Variants in A2ML1 observed in about 807,000 individuals in gnomAD.
The protein encoded by A2ML1 is alpha-2-macroglobulin-like protein 1.
A2ML1 carries 161 observed loss-of-function variants against 181.9 expected under a neutral mutation model. The observed-to-expected ratio is 0.89, with a 90% CI of 0.78 to 1.01. A2ML1 has a LOEUF of 1.01. Among genes scored for constraint, A2ML1 ranks in the 50% least tolerant of loss-of-function variants. The pLI is 0.00. For synonymous variants in A2ML1, 663 were observed against 666.8 expected (o/e 0.99, Z 0.09); for missense variants, 1,670 against 1,768.1 (o/e 0.94, Z 1.00).
chr12:8,833,705 G>A (rs1943189098), intron 4 of A2ML1, among the ~76,000 whole-genome samples: 1 of 152,092 alleles, frequency 6.6e-6, no homozygotes, highest in Non-Finnish European at 1.5e-5. Flanking sequence ...CTAAAGAAGT[G>A]TTTGTTTGTT....
chr12:8,832,040 G>A (rs879933656), intron 4 of A2ML1, among the ~76,000 whole-genome samples: 15 of 152,134 alleles, frequency 9.9e-5, no homozygotes, highest in African/African-American at 1.4e-4. Flanking sequence ...GTGAGCCACC[G>A]CGCCTGGCCA....
intron 13 of A2ML1, 108 bp from the exon 14 acceptor site, chr12:8,845,969 T>C (rs2136835890): frequency 1.6e-6 from 2 of 1,240,318 alleles, no homozygotes; most frequent in African/African-American, 1.5e-5. Context: ...GAGAAGTAAC[T>C]TGCACCATGG....
At chr12:8,835,079 A>G (rs1453711854) in intron 5 of A2ML1, 15 of 287,872 alleles carry the variant, frequency 5.2e-5, no homozygotes, top group Non-Finnish European at 6.5e-5. Flanking sequence ...AAGGCTCTAG[A>G]AGGTGATTTC....
chr12:8,822,676 A>C lies in A2ML1; in HGVS notation c.25A>C (p.Met9Leu), dbSNP rs1362077350. ...GATGTGGGCTCAGCTCCTTCTAGGA[A>C]TGTTGGCCCTATCACCAGCCATTGC... is the stretch of plus-strand genomic sequence containing the variant. MWAQLLLG[M>L]LALSPAIAEE... Residue 9 changes from methionine (M) to leucine (L), a missense_variant, in exon 1 of 36, where the codon ATG becomes CTG. By Grantham distance (15) the Met-to-Leu change is conservative. Transcript: ENST00000299698. 1 of 1,614,168 alleles carries C rather than the reference A, an allele frequency of 6.2e-7. No homozygotes were observed. Among genetic ancestry groups the C allele is most frequent in the Non-Finnish European group, 8.5e-7 (1 of 1,179,984 alleles).
chr12:8,840,196 C>T (rs1206759363), intron 10 of A2ML1, among the ~76,000 whole-genome samples: 2 of 151,852 alleles, frequency 1.3e-5, no homozygotes, highest in African/African-American at 4.8e-5. Context: ...CTTGTCTCTG[C>T]TAAAAATACA....
chr12:8,875,113 G>A, intron 35 of A2ML1, 101 bp downstream of exon 35: 1 of 1,318,092 alleles, frequency 7.6e-7, no homozygotes, highest in Non-Finnish European at 1.1e-6. Context: ...TTGAGATAGA[G>A]TCTCGCGGTG....
chr12:8,831,469 C>T (rs750170140), intron 4 of A2ML1, among the ~76,000 whole-genome samples: 8 of 152,150 alleles, frequency 5.3e-5, no homozygotes, highest in Non-Finnish European at 8.8e-5. Flanking sequence ...TCCTTCCTCC[C>T]CACTCTATTT....
At chr12:8,847,987 GAA>G (rs11312111) in intron 15 of A2ML1, among the ~76,000 whole-genome samples, 158 of 125,672 alleles carry the variant, frequency 1.3e-3, no homozygotes, top group East Asian at 3.5e-3. Context: ...TAAAAATCCA[GAA>G]AAAAAAAAAA....
chr12:8,845,559 A>G, intron 13 of A2ML1, 57 bp downstream of exon 13: 1 of 1,598,600 alleles, frequency 6.3e-7, no homozygotes, highest in Middle Eastern at 1.7e-4. Flanking sequence ...TCCAGAAAAC[A>G]ATTCTTGGCC....
At chr12:8,844,195 C>CA (rs946013240) in intron 12 of A2ML1, among the ~76,000 whole-genome samples, 38 of 148,982 alleles carry the variant, frequency 2.6e-4, no homozygotes, top group African/African-American at 9.4e-4. Flanking sequence ...CCAAAAAAAA[C>CA]AAAAACAAAA....
chr12:8,862,352 G>A (rs1006564910), intron 28 of A2ML1, among the ~76,000 whole-genome samples: 3 of 151,888 alleles, frequency 2.0e-5, no homozygotes, highest in Non-Finnish European at 4.4e-5. Context: ...ACAGGTGCCC[G>A]CCACCACACT....
intron 10 of A2ML1, 133 bp downstream of exon 10, chr12:8,839,355 G>T (rs1943391506): frequency 3.5e-6 from 2 of 569,830 alleles, no homozygotes; most frequent in Admixed American, 3.2e-5. Flanking sequence ...TTAATCTTTA[G>T]AATAATGCAA....
chr12:8,860,449 G>A (rs751205860), intron 26 of A2ML1, among the ~76,000 whole-genome samples: 1 of 152,180 alleles, frequency 6.6e-6, no homozygotes. Context: ...TGGGAAAGGC[G>A]ATAAGCAGGG....
chr12:8,854,237 A>G lies in A2ML1; in HGVS notation c.2700A>G (p.Pro900=), dbSNP rs1483724769. ...QKGRSDTLIK[P]VLVKPEGVLV... ...GCCGAAGTGACACGCTCATCAAGCC[A>G]GTTCTCGTCAAAGTGAGTTTTCTTC... The change falls in exon 21 of 36, where the codon CCA becomes CCG. Residue 900 remains proline (P), a synonymous_variant. Coordinates refer to ENST00000299698, the MANE Select transcript of A2ML1 (RefSeq NM_144670.6). The G allele has an allele frequency of 1.3e-6, 2 of 1,599,832 alleles. No homozygotes were observed. The highest frequency in any genetic ancestry group is 2.7e-5 in the African/African-American group (2 of 74,408).
chr12:8,842,279 G>A (rs527991501), intron 11 of A2ML1, among the ~76,000 whole-genome samples: 8 of 150,892 alleles, frequency 5.3e-5, no homozygotes, highest in Admixed American at 1.3e-4. Context: ...GTGCAGTGGC[G>A]TGATCTCGGC....
chr12:8,844,009 C>T (rs368287877), intron 12 of A2ML1, among the ~76,000 whole-genome samples: 30 of 151,942 alleles, frequency 2.0e-4, no homozygotes, highest in East Asian at 1.9e-4. Flanking sequence ...CATGAGCCAC[C>T]GCGCCCGGCC....
intron 7 of A2ML1, 137 bp downstream of exon 7, chr12:8,836,476 A>C: frequency 1.7e-6 from 1 of 593,518 alleles, no homozygotes; most frequent in Non-Finnish European, 2.9e-6. Flanking sequence ...TGGCTTATCC[A>C]AGACCTTTTT....
rs189298097 is a variant in A2ML1, at chr12:8,855,488, C to A, written c.2765-21C>A. ...CATTCCCCATCTTCTATTGTGTCAC[C>A]TTTTTTTCTGCATCTCACAGGAAAG... On this transcript the variant is annotated intron_variant, in intron 22 of 35. Coordinates refer to ENST00000299698, the MANE Select transcript of A2ML1 (RefSeq NM_144670.6). The A allele has an allele frequency of 1.0e-3, 1,626 of 1,612,864 alleles. 4 individuals are homozygous for A. The highest frequency in any genetic ancestry group is 1.3e-3 in the Non-Finnish European group (1,490 of 1,179,134).
At chr12:8,883,055 T>C (rs1012895326) in intron 7 of A2ML1, among the ~76,000 whole-genome samples, 2 of 152,046 alleles carry the variant, frequency 1.3e-5, no homozygotes, top group Non-Finnish European at 2.9e-5. Context: ...TTGAAAAGCT[T>C]TTCTCTCTTC....
Sources: allele counts gnomAD v4.1 joint callset (sites outside exome capture counted in the v4.1 genomes callset), GRCh38; gene constraint gnomAD v4.1.1; transcripts MANE v1.5; gene names NCBI Gene and HGNC (gene_info 2026-07-23, HGNC 2026-07-21).